PSAT1: variants seen among roughly 807,000 people sequenced by gnomAD.
The protein encoded by PSAT1 is phosphoserine aminotransferase.
PSAT1 carries 41 observed loss-of-function variants against 40.3 expected under a neutral mutation model. The ratio of observed to expected loss-of-function variants is 1.02; its 90% CI spans 0.79 to 1.32. PSAT1 has a LOEUF of 1.32. Among genes scored for constraint, PSAT1 ranks in the 40% most tolerant of loss-of-function variants. The pLI, the probability that PSAT1 is intolerant of heterozygous loss-of-function variation, is 0.00. For missense variants in PSAT1, 406 were observed against 455.8 expected (o/e 0.89, Z 0.99); for synonymous variants, 147 against 170.5 (o/e 0.86, Z 1.07).
chr9:78,298,955 C>A (rs1162934357), intron 1 of PSAT1, among the ~76,000 whole-genome samples: 1 of 151,878 alleles, frequency 6.6e-6, no homozygotes, highest in Non-Finnish European at 1.5e-5. Context: ...TTCTATCCTG[C>A]TCTAGTCTGT....
At chr9:78,327,989 ATTTG>A in intron 7 of PSAT1, 58 bp from the exon 8 acceptor site, 1 of 1,564,524 alleles carries the variant, frequency 6.4e-7, no homozygotes. Flanking sequence ...AAATCTGTTG[ATTTG>A]TTTATGACAA....
At chr9:78,326,570 A>G (rs1828499929) in intron 7 of PSAT1, among the ~76,000 whole-genome samples, 1 of 152,180 alleles carries the variant, frequency 6.6e-6, no homozygotes. Context: ...AAAAATTTAA[A>G]ATAAAAATTT....
At chr9:78,311,036 T>A (rs1828260119) in intron 6 of PSAT1, among the ~76,000 whole-genome samples, 1 of 152,176 alleles carries the variant, frequency 6.6e-6, no homozygotes, top group Non-Finnish European at 1.5e-5. Flanking sequence ...ACTCTCCTGG[T>A]CACCTCTAAA....
At chr9:78,303,474 G>T (rs376886517) in intron 3 of PSAT1, among the ~76,000 whole-genome samples, 1 of 152,080 alleles carries the variant, frequency 6.6e-6, no homozygotes, top group East Asian at 1.9e-4. Context: ...CAATTTAAGG[G>T]CCTATCTTTT....
chr9:78,320,585 A>G (rs926831915), intron 7 of PSAT1, among the ~76,000 whole-genome samples: 3 of 146,174 alleles, frequency 2.1e-5, no homozygotes, highest in Non-Finnish European at 4.5e-5. Flanking sequence ...CCGCCCATCT[A>G]TCTACCCACT....
At chr9:78,309,742 A>G (rs1460055201) in intron 6 of PSAT1, among the ~76,000 whole-genome samples, 2 of 152,196 alleles carry the variant, frequency 1.3e-5, no homozygotes, top group Non-Finnish European at 2.9e-5. Flanking sequence ...GCTGCGTTGC[A>G]GCACTTCAGG....
chr9:78,302,475 TC>T (rs1274102683), intron 3 of PSAT1, among the ~76,000 whole-genome samples: 3 of 152,144 alleles, frequency 2.0e-5, no homozygotes, highest in Non-Finnish European at 4.4e-5. Flanking sequence ...ATGCCTGTAA[TC>T]CCAGCACTTT....
chr9:78,298,154 G>C (rs4877546), intron 1 of PSAT1, among the ~76,000 whole-genome samples: 45,394 of 148,502 alleles, frequency 0.31, 7,717 homozygotes, highest in Middle Eastern at 0.4. Flanking sequence ...GCCCCAGCCC[G>C]GCTCCTCCCC....
chr9:78,308,038 CAAAAG>C (rs1331898351), intron 5 of PSAT1, among the ~76,000 whole-genome samples: 1 of 150,966 alleles, frequency 6.6e-6, no homozygotes, highest in African/African-American at 2.4e-5. Context: ...GACTCCGTCT[CAAAAG>C]AAAAAAAAAA....
intron 5 of PSAT1, among the ~76,000 whole-genome samples, 188 bp from the exon 6 acceptor site, chr9:78,308,226 C>A (rs967855881): frequency 5.3e-5 from 8 of 152,174 alleles, no homozygotes; most frequent in Admixed American, 1.3e-4. Flanking sequence ...GGATCATCCT[C>A]AGGCTTTGGA....
chr9:78,324,570 G>T (rs1026690270), intron 7 of PSAT1, among the ~76,000 whole-genome samples: 1 of 152,126 alleles, frequency 6.6e-6, no homozygotes, highest in Non-Finnish European at 1.5e-5. Flanking sequence ...TTGCTCACTG[G>T]GGAGCAGGGG....
rs1294697919 is a variant in PSAT1, at chr9:78,308,399, C to G, written c.571-15C>G. 6.2e-7 allele frequency: 1 copy of G among 1,612,284 alleles called. No individual in the cohort carries two copies. The highest frequency in any genetic ancestry group is 2.2e-5 in the East Asian group (1 of 44,874). ...GCCAAATCCTTCTTAAGCAGCATGT[C>G]TTTCTCTTTTTAAGTTTGGTGTGAT... On this transcript the variant is annotated splice_polypyrimidine_tract_variant and intron_variant, in intron 5 of 8. Transcript: ENST00000376588.
intron 3 of PSAT1, among the ~76,000 whole-genome samples, chr9:78,303,040 C>T (rs1207146421): frequency 2.0e-5 from 3 of 151,962 alleles, no homozygotes; most frequent in Non-Finnish European, 4.4e-5. Flanking sequence ...TTCCTGCTCA[C>T]AGAAATAATG....
intron 3 of PSAT1, 21 bp from the exon 4 acceptor site, chr9:78,304,714 G>T: frequency 6.3e-7 from 1 of 1,595,378 alleles, no homozygotes; most frequent in Non-Finnish European, 8.6e-7. Flanking sequence ...TGTATTGACT[G>T]TTACCTATGC....
chr9:78,311,660 C>T (rs1425088270), intron 6 of PSAT1, among the ~76,000 whole-genome samples: 2 of 151,870 alleles, frequency 1.3e-5, no homozygotes, highest in Non-Finnish European at 1.5e-5. Flanking sequence ...GGTGAAACCC[C>T]GTCTCTACTA....
intron 3 of PSAT1, among the ~76,000 whole-genome samples, chr9:78,302,817 T>G (rs994544548): frequency 6.6e-6 from 1 of 152,008 alleles, no homozygotes; most frequent in Admixed American, 6.5e-5. Context: ...AGAGACTTTA[T>G]TTTTAACAGG....
At chr9:78,318,573 A>G (rs1236803559) in intron 7 of PSAT1, among the ~76,000 whole-genome samples, 5 of 152,172 alleles carry the variant, frequency 3.3e-5, no homozygotes, top group Non-Finnish European at 7.3e-5. Flanking sequence ...TTTAGATTCT[A>G]GTGGCTCAGG....
Position 78,301,983 on chromosome 9 carries a change from A to C in PSAT1, c.151A>C (p.Lys51Gln), listed in dbSNP as rs759948216. The change falls in exon 3 of 9, where the codon AAG becomes CAG. Residue 51 changes from lysine (K) to glutamine (Q), a missense_variant. Lys to Gln is a moderately conservative substitution (Grantham distance 53, BLOSUM62 1). Coordinates refer to ENST00000376588, the MANE Select transcript of PSAT1 (RefSeq NM_058179.4). ...GAGTCACAGGTCATCAGATTTTGCC[A>C]AGATTATTAACAATACAGAGAATCT... ...EMSHRSSDFAKIINNTENLVR... is the reference protein window; with the variant it reads ...EMSHRSSDFAQIINNTENLVR... The C allele has an allele frequency of 1.9e-6, 3 of 1,611,820 alleles. No individual in the cohort carries two copies. The Admixed American group carries it at 5.0e-5, about 27-fold the overall frequency.
intron 1 of PSAT1, 77 bp from the exon 2 acceptor site, chr9:78,300,525 C>G: frequency 6.6e-7 from 1 of 1,520,882 alleles, no homozygotes; most frequent in Non-Finnish European, 8.8e-7. Context: ...CTTGTCCCCT[C>G]GTCAGGTTTG....
Sources: allele counts gnomAD v4.1 joint callset (sites outside exome capture counted in the v4.1 genomes callset), GRCh38; gene constraint gnomAD v4.1.1; transcripts MANE v1.5; gene names NCBI Gene and HGNC (gene_info 2026-07-23, HGNC 2026-07-21).